The following FBXL20 variants were observed in gnomAD, a reference collection of about 807,000 sequenced individuals.
FBXL20 encodes the protein F-box/LRR-repeat protein 20.
A neutral mutation model predicts 64.0 loss-of-function variants in FBXL20; 11 were observed. The observed-to-expected ratio is 0.17, with a 90% CI of 0.11 to 0.28. FBXL20 has a LOEUF of 0.28. Among genes scored for constraint, FBXL20 ranks in the 10% least tolerant of loss-of-function variants. The probability of loss-of-function intolerance (pLI) is 1.00; values close to 1 mark genes in which losing one functional copy is unlikely to be tolerated. For synonymous variants in FBXL20, 184 were observed against 189.0 expected (o/e 0.97, Z 0.22); for missense variants, 303 against 526.2 (o/e 0.58, Z 4.15).
At chr17:39,390,562 TA>T (rs568332066) in intron 1 of FBXL20, among the ~76,000 whole-genome samples, 3,230 of 133,722 alleles carry the variant, frequency 0.024, 75 homozygotes, top group Non-Finnish European at 0.026. Flanking sequence ...GACTCCATCT[TA>T]AAAAAAAAAA....
chr17:39,293,833 T>A (rs2144423065), intron 6 of FBXL20, among the ~76,000 whole-genome samples: 1 of 151,940 alleles, frequency 6.6e-6, no homozygotes, highest in African/African-American at 2.4e-5. Context: ...AGCCTTTATT[T>A]TTTTTTTTTA....
intron 7 of FBXL20, among the ~76,000 whole-genome samples, chr17:39,283,684 A>T (rs2046966601): frequency 6.7e-6 from 1 of 149,862 alleles, no homozygotes; most frequent in African/African-American, 2.5e-5. Context: ...GTATTTCCTT[A>T]TCTGAGATGT....
intron 1 of FBXL20, 43 bp downstream of exon 1, chr17:39,401,318 C>G: frequency 1.9e-6 from 3 of 1,612,082 alleles, no homozygotes; most frequent in Non-Finnish European, 2.5e-6. Context: ...TTAGAGCGCG[C>G]GACCCGCCCT....
chr17:39,294,458 T>A (rs2047067435), intron 6 of FBXL20, among the ~76,000 whole-genome samples: 1 of 151,692 alleles, frequency 6.6e-6, no homozygotes, highest in Admixed American at 6.6e-5. Flanking sequence ...TTTTTGTATT[T>A]TTTTGTAGAG....
At chr17:39,333,862 C>G (rs2047491312) in intron 2 of FBXL20, among the ~76,000 whole-genome samples, 1 of 151,612 alleles carries the variant, frequency 6.6e-6, no homozygotes, top group Non-Finnish European at 1.5e-5. Flanking sequence ...TGAGGAGCGT[C>G]TCTGACCGGC....
At chr17:39,358,025 T>C (rs2047759029) in intron 1 of FBXL20, among the ~76,000 whole-genome samples, 2 of 152,210 alleles carry the variant, frequency 1.3e-5, no homozygotes, top group South Asian at 4.1e-4. Context: ...AGATTTATTA[T>C]AAGAACTGTC....
intron 2 of FBXL20, among the ~76,000 whole-genome samples, chr17:39,324,482 G>T (rs1451659213): frequency 6.6e-6 from 1 of 151,942 alleles, no homozygotes; most frequent in Non-Finnish European, 1.5e-5. Flanking sequence ...TAGAGACAGG[G>T]TTTCACCATG....
rs150694041 is a variant in FBXL20 at position 39,280,044 on chromosome 17, C to T, written c.696+1345G>A. Among the ~76,000 whole-genome samples the T allele has an allele frequency of 6.3e-3, 964 of 151,942 alleles. 37 individuals are homozygous for T. The highest frequency in any genetic ancestry group is 7.7e-3 in the East Asian group (40 of 5,166). On this transcript the variant is annotated intron_variant, in intron 9 of 14. Transcript: ENST00000264658. ...AAAAATACAAAAATTACCAGCCTGG[C>T]CAACATAGTGAAACCCCATCCCTAC...
rs1358832948 is a variant in FBXL20 at position 39,259,390 on chromosome 17, T to C, written c.*2070A>G. 1.3e-5 allele frequency: 2 copies of C among 152,184 alleles called. No individual in the cohort carries two copies. Among genetic ancestry groups the C allele is most frequent in the Non-Finnish European group, 2.9e-5 (2 of 68,030 alleles). The allele number at this position is 152,184 out of a possible 1,614,324, so 9.4% of individuals were successfully genotyped here. ...GATTAATATTATGATGGATTGCACA[T>C]TAATGTCTCAAAGGACACCCCCCGC... On this transcript the variant is annotated 3_prime_UTR_variant, in exon 15 of 15. Coordinates refer to ENST00000264658, the MANE Select transcript of FBXL20 (RefSeq NM_032875.3).
chr17:39,352,380 TA>T (rs896431227), intron 1 of FBXL20, among the ~76,000 whole-genome samples: 16 of 150,420 alleles, frequency 1.1e-4, no homozygotes, highest in Non-Finnish European at 1.9e-4. Flanking sequence ...ATAAATACAT[TA>T]AAAAAAATAG....
chr17:39,303,620 C>T lies in FBXL20; in HGVS notation c.124G>A (p.Val42Ile). ...TGAGCACAGCGGCACAGGGTAACAA[C>T]ATCTAGAAAAGAAAATATCCTAAAA... ...LLLRIFSFLD[V>I]VTLCRCAQVS... The change falls in exon 3 of 15, where the codon GTT (valine) becomes ATT (isoleucine). Residue 42 changes from valine (V) to isoleucine (I), a missense_variant. Val to Ile is a conservative substitution (Grantham distance 29). This residue lies in a region of FBXL20 where 246 missense variants were observed against 422.6 expected (regional missense o/e 0.58). Coordinates refer to ENST00000264658, the MANE Select transcript of FBXL20 (RefSeq NM_032875.3). The T allele has an allele frequency of 6.2e-7, 1 of 1,610,766 alleles. No individual in the cohort carries two copies. Among genetic ancestry groups the T allele is most frequent in the Non-Finnish European group, 8.5e-7 (1 of 1,178,498 alleles).
intron 6 of FBXL20, among the ~76,000 whole-genome samples, chr17:39,294,123 G>A (rs1444239430): frequency 6.6e-6 from 1 of 151,850 alleles, no homozygotes; most frequent in African/African-American, 2.4e-5. Context: ...TTGTCACTGT[G>A]AGAAGGAGAA....
At chr17:39,285,719 C>T (rs1211457830) in intron 6 of FBXL20, 146 bp from the exon 7 acceptor site, 23 of 369,874 alleles carry the variant, frequency 6.2e-5, no homozygotes, top group Non-Finnish European at 1.4e-5. Context: ...ATATATCCTA[C>T]GACCCTTCAC....
intron 6 of FBXL20, among the ~76,000 whole-genome samples, chr17:39,290,756 T>C (rs536047577): frequency 6.6e-6 from 1 of 152,060 alleles, no homozygotes; most frequent in Non-Finnish European, 1.5e-5. Flanking sequence ...AGAGATGGGG[T>C]CCCACTACGT....
intron 2 of FBXL20, among the ~76,000 whole-genome samples, chr17:39,311,239 G>C (rs2047233289): frequency 6.6e-6 from 1 of 152,100 alleles, no homozygotes; most frequent in Admixed American, 6.6e-5. Context: ...AGCCTCTTTT[G>C]CTCAGTAACA....
At position 39,282,724 on chromosome 17, in the gene FBXL20, A is replaced by C; in HGVS notation, c.621+5T>G. 6.2e-7 allele frequency: 1 copy of C among 1,614,122 alleles called. No individual in the cohort carries two copies. The stretch of plus-strand genomic sequence containing the variant: ...GAATTTCACGAGCCCTACATGGAGT[A>C]TTACCTGCGTGCAGCCTTTTAAGAA... On this transcript the variant is annotated splice_donor_5th_base_variant and intron_variant, in intron 8 of 14. Coordinates refer to ENST00000264658, the MANE Select transcript of FBXL20 (RefSeq NM_032875.3).
chr17:39,332,032 T>TG (rs2047466165), intron 2 of FBXL20, among the ~76,000 whole-genome samples: 1 of 152,232 alleles, frequency 6.6e-6, no homozygotes, highest in Non-Finnish European at 1.5e-5. Flanking sequence ...TGCCGAGCAT[T>TG]GTGTCCTCAA....
intron 1 of FBXL20, among the ~76,000 whole-genome samples, chr17:39,355,269 T>A (rs2047724677): frequency 6.6e-6 from 1 of 151,462 alleles, no homozygotes. Context: ...GCCACGCCTG[T>A]AATCCCAGCA....
At chr17:39,297,338 T>G in intron 5 of FBXL20, 143 bp from the exon 6 acceptor site, 1 of 463,096 alleles carries the variant, frequency 2.2e-6, no homozygotes, top group Non-Finnish European at 3.8e-6. Context: ...ATGTATTTGG[T>G]CTTCATCTTC....
Sources: gnomAD v4.1 joint callset for allele counts (sites outside exome capture counted in the v4.1 genomes callset) on GRCh38, gnomAD v4.1.1 for gene constraint, gnomAD v4.1.1 regional missense constraint, MANE v1.5 for transcripts, NCBI Gene and HGNC (gene_info 2026-07-23, HGNC 2026-07-21) for gene names.